TMEM132D: variants seen among roughly 807,000 people sequenced by gnomAD.
TMEM132D encodes mature OL transmembrane protein.
In TMEM132D, 21 loss-of-function variants were observed where a neutral mutation model predicts 62.3. That is an observed-to-expected ratio of 0.34 (90% CI 0.24 to 0.49). The LOEUF is 0.49. Among genes scored for constraint, TMEM132D ranks in the 20% least tolerant of loss-of-function variants. The probability of loss-of-function intolerance (pLI) is 0.99; values close to 1 mark genes in which losing one functional copy is unlikely to be tolerated. For missense variants in TMEM132D, 1,346 were observed against 1,402.8 expected (o/e 0.96, Z 0.65); for synonymous variants, 621 against 575.6 (o/e 1.08, Z -1.13).
In TMEM132D at chr12:129,553,150, CTGTG is replaced by C. The variant is rs561601395; in HGVS notation, c.969-21949_969-21946del. On this transcript the variant is annotated intron_variant, in intron 2 of 8. Coordinates refer to ENST00000422113, the MANE Select transcript of TMEM132D (RefSeq NM_133448.3). ...GAGAGTGTTGCGCGTTTGCTCCCAG[CTGTG>C]TCTGAGTCACTGCTTGTGGCTCATC... Among the ~76,000 whole-genome samples, 315 of 152,276 alleles carry C rather than the reference CTGTG, an allele frequency of 2.1e-3. 3 individuals carry two copies. Among genetic ancestry groups the C allele is most frequent in the Admixed American group, 8.4e-3 (129 of 15,294 alleles).
intron 4 of TMEM132D, among the ~76,000 whole-genome samples, chr12:129,269,666 A>T (rs1030166102): frequency 6.6e-6 from 1 of 151,042 alleles, no homozygotes; most frequent in African/African-American, 2.4e-5. Flanking sequence ...GAGCCTGGAG[A>T]CCTTCTCACT....
chr12:129,422,435 T>C (rs924923629), intron 3 of TMEM132D, among the ~76,000 whole-genome samples: 2 of 152,166 alleles, frequency 1.3e-5, no homozygotes, highest in African/African-American at 4.8e-5. Context: ...TAAAGGCCAG[T>C]AAACATCTGA....
At chr12:129,840,359 A>G (rs1039350525) in intron 1 of TMEM132D, 8 of 151,932 alleles carry the variant, frequency 5.3e-5, no homozygotes, top group African/African-American at 1.7e-4. Context: ...CTGTCTGAGG[A>G]GTCATGCCAA....
chr12:129,199,084 T>C (rs1345931087), intron 5 of TMEM132D, among the ~76,000 whole-genome samples: 2 of 150,420 alleles, frequency 1.3e-5, no homozygotes, highest in Admixed American at 1.3e-4. Context: ...TTCTCATTGC[T>C]ATAACACGTC....
At chr12:129,435,638 CCT>C in intron 3 of TMEM132D, among the ~76,000 whole-genome samples, 1 of 152,266 alleles carries the variant, frequency 6.6e-6, no homozygotes, top group South Asian at 2.1e-4. Flanking sequence ...ACGATGTTTA[CCT>C]CTGTTCCAGG....
At chr12:129,468,497 A>T (rs1205837231) in intron 3 of TMEM132D, among the ~76,000 whole-genome samples, 2 of 152,208 alleles carry the variant, frequency 1.3e-5, no homozygotes, top group East Asian at 1.9e-4. Flanking sequence ...TTAAACACAC[A>T]CAAGTTGCCT....
rs76391264 is a variant in TMEM132D, at chr12:129,447,020, T to C, written c.1115+84039A>G. Reference sequence around the variant, plus strand: ...AAATCTAAAACAAGCTAATCTGCAGTGTAGAGAATCCTGCTACTCACACCA... The same window carrying C: ...AAATCTAAAACAAGCTAATCTGCAGCGTAGAGAATCCTGCTACTCACACCA... On this transcript the variant is annotated intron_variant, in intron 3 of 8. Coordinates refer to ENST00000422113, the MANE Select transcript of TMEM132D (RefSeq NM_133448.3). Among the ~76,000 whole-genome samples, 1,419 of 152,248 alleles carry C rather than the reference T, an allele frequency of 9.3e-3. 31 individuals carry two copies. Among genetic ancestry groups the C allele is most frequent in the African/African-American group, 0.033 (1,354 of 41,520 alleles).
In TMEM132D at chr12:129,230,388, CT is replaced by C. The variant is rs1310465288; in HGVS notation, c.1300-20726del. 3.3e-5 allele frequency among the ~76,000 whole-genome samples: 5 copies of C among 152,228 alleles called. No individual in the cohort carries two copies. The East Asian group carries it at 9.6e-4, about 29-fold the overall frequency. ...GGGCTGTGATTCTATGATTCATGTC[CT>C]GTCCTCCAACCCCACTGATGACAGA... On this transcript the variant is annotated intron_variant, in intron 4 of 8. Coordinates refer to ENST00000422113, the MANE Select transcript of TMEM132D (RefSeq NM_133448.3).
At position 129,438,875 on chromosome 12, in the gene TMEM132D, G is replaced by A. The variant is rs115748134; in HGVS notation, c.1115+92184C>T. On this transcript the variant is annotated intron_variant, in intron 3 of 8. Transcript: ENST00000422113. ...AAAACATGAAAAGGATCACTGAGAC[G>A]TAATTTCACAGAGCAATAAATCTAT... Among the ~76,000 whole-genome samples, 1,106 of 152,274 alleles carry A rather than the reference G, an allele frequency of 7.3e-3. 7 individuals are homozygous for A. Among genetic ancestry groups the A allele is most frequent in the African/African-American group, 0.011 (439 of 41,556 alleles).
At chr12:129,648,029 T>G (rs1286242668) in intron 2 of TMEM132D, among the ~76,000 whole-genome samples, 1 of 152,188 alleles carries the variant, frequency 6.6e-6, no homozygotes, top group East Asian at 1.9e-4. Flanking sequence ...AGTCCCTCCC[T>G]GTTTGGAGAC....
chr12:129,273,835 T>C (rs571277035), intron 4 of TMEM132D, among the ~76,000 whole-genome samples: 3 of 151,574 alleles, frequency 2.0e-5, no homozygotes, highest in East Asian at 3.9e-4. Context: ...ATGGGATCGA[T>C]TGTACCCCAA....
chr12:129,175,299 C>T (rs761793364), intron 5 of TMEM132D, among the ~76,000 whole-genome samples: 8 of 151,996 alleles, frequency 5.3e-5, no homozygotes, highest in Non-Finnish European at 8.8e-5. Context: ...ATGGATGCCC[C>T]GCTTTTCAAG....
chr12:129,748,751 G>A (rs1477710358), intron 1 of TMEM132D, among the ~76,000 whole-genome samples: 1 of 152,182 alleles, frequency 6.6e-6, no homozygotes, highest in Non-Finnish European at 1.5e-5. Flanking sequence ...GATTTGACAA[G>A]CATCTTCTCC....
At chr12:129,536,811 T>C (rs765637194) in intron 2 of TMEM132D, among the ~76,000 whole-genome samples, 6 of 152,168 alleles carry the variant, frequency 3.9e-5, no homozygotes, top group Non-Finnish European at 8.8e-5. Context: ...AAAGTAACAA[T>C]GTGAATGATA....
intron 1 of TMEM132D, among the ~76,000 whole-genome samples, chr12:129,716,787 C>A (rs1056091958): frequency 6.6e-6 from 1 of 152,094 alleles, no homozygotes; most frequent in Non-Finnish European, 1.5e-5. Context: ...ACCTACAAAG[C>A]TATGAGATAA....
chr12:129,295,072 C>T (rs1473548110), intron 4 of TMEM132D, among the ~76,000 whole-genome samples: 6 of 152,100 alleles, frequency 3.9e-5, no homozygotes, highest in Admixed American at 2.0e-4. Flanking sequence ...TCCAATCAGT[C>T]GAAGGCTTAC....
At chr12:129,108,695 C>T (rs530739924) in intron 5 of TMEM132D, among the ~76,000 whole-genome samples, 5 of 152,348 alleles carry the variant, frequency 3.3e-5, no homozygotes, top group African/African-American at 1.2e-4. Flanking sequence ...ATTTCCCAAA[C>T]TTCAGCAGTG....
chr12:129,791,832 A>G (rs76044835), intron 1 of TMEM132D, among the ~76,000 whole-genome samples: 12,644 of 152,240 alleles, frequency 0.083, 680 homozygotes, highest in South Asian at 0.15. Context: ...ATAGTCAAAC[A>G]GCCGTCAGCA....
At chr12:129,510,299 T>C (rs775127811) in intron 3 of TMEM132D, among the ~76,000 whole-genome samples, 9 of 152,230 alleles carry the variant, frequency 5.9e-5, no homozygotes, top group Admixed American at 2.0e-4. Context: ...TGCCTATTTT[T>C]TAATCAGATT....
Sources: gnomAD v4.1 joint callset for allele counts (sites outside exome capture counted in the v4.1 genomes callset) on GRCh38, gnomAD v4.1.1 for gene constraint, MANE v1.5 for transcripts, NCBI Gene and HGNC (gene_info 2026-07-23, HGNC 2026-07-21) for gene names.